The following ADGRG7 variants were observed in gnomAD, a reference collection of about 807,000 sequenced individuals.
ADGRG7 encodes the protein G-protein coupled receptor 128.
A neutral mutation model predicts 88.6 loss-of-function variants in ADGRG7; 82 were observed. The ratio of observed to expected loss-of-function variants is 0.93; its 90% confidence interval spans 0.77 to 1.11. The LOEUF is 1.11. Among genes scored for constraint, ADGRG7 ranks in the 50% most tolerant of loss-of-function variants. ADGRG7 has a pLI of 0.00. For missense variants in ADGRG7, 945 were observed against 953.4 expected (o/e 0.99, Z 0.12); for synonymous variants, 381 against 345.2 (o/e 1.10, Z -1.15).
At chr3:100,627,583 T>A (rs781164934) in intron 1 of ADGRG7, among the ~76,000 whole-genome samples, 1 of 152,214 alleles carries the variant, frequency 6.6e-6, no homozygotes, top group Non-Finnish European at 1.5e-5. Context: ...CATTATGAAA[T>A]GATTTGGGAA....
At chr3:100,645,251 A>C (rs1576322740) in intron 8 of ADGRG7, among the ~76,000 whole-genome samples, 1 of 152,196 alleles carries the variant, frequency 6.6e-6, no homozygotes, top group African/African-American at 2.4e-5. Context: ...TGGGTGCCAA[A>C]CCCTCCACAG....
At chr3:100,657,346 T>C (rs562840599) in intron 13 of ADGRG7, among the ~76,000 whole-genome samples, 1 of 152,302 alleles carries the variant, frequency 6.6e-6, no homozygotes, top group African/African-American at 2.4e-5. Context: ...TAGCAGTTGC[T>C]CCTCAAGAGC....
At chr3:100,646,771 T>C in intron 10 of ADGRG7, 47 bp downstream of exon 10, 1 of 1,502,678 alleles carries the variant, frequency 6.7e-7, no homozygotes, top group Non-Finnish European at 9.2e-7. Context: ...ATTTTCCTTA[T>C]ACACAATTCT....
At chr3:100,674,982 C>A (rs886563919) in intron 15 of ADGRG7, among the ~76,000 whole-genome samples, 24 of 150,262 alleles carry the variant, frequency 1.6e-4, no homozygotes, top group African/African-American at 3.7e-4. Flanking sequence ...CCATTCTAAT[C>A]TTTTTTTTTT....
At chr3:100,664,507 A>G (rs115180895) in intron 14 of ADGRG7, among the ~76,000 whole-genome samples, 1,548 of 152,278 alleles carry the variant, frequency 0.01, 20 homozygotes, top group African/African-American at 0.024. Flanking sequence ...AGACTTGATT[A>G]AAAAGATACA....
In ADGRG7 at chr3:100,645,954, A is replaced by T. The variant is rs757717114; in HGVS notation, c.956A>T (p.Lys319Met). 92 of 1,613,626 alleles carry T rather than the reference A, an allele frequency of 5.7e-5. No homozygotes were observed. Among genetic ancestry groups the T allele is most frequent in the Non-Finnish European group, 7.3e-5 (86 of 1,179,908 alleles). ...VLLNMTKNYT[K>M]TCGFVVYQND... ...CTTTTTCTCCCTATAGATTACACCA[A>T]GACATGCGGCTTTGTAGTTTATCAA... Residue 319 changes from lysine to methionine, a missense_variant, in exon 9 of 16, where the codon AAG (lysine) becomes ATG (methionine). By Grantham distance (95) the Lys-to-Met change is moderately conservative. Transcript: ENST00000273352.
rs765268571 is a variant in ADGRG7 at position 100,630,760 on chromosome 3, G to A, written c.285G>A (p.Val95=). 6.1e-6 allele frequency: 9 copies of A among 1,483,296 alleles called. No homozygotes were observed. The highest frequency in any genetic ancestry group is 7.2e-6 in the Non-Finnish European group (8 of 1,118,098). The allele number at this position is 1,483,296 out of a possible 1,614,324, so 91.9% of individuals were successfully genotyped here. A position where few individuals can be genotyped will look rare whatever the true frequency, so the allele number is the denominator to read the frequency against. The change falls in exon 3 of 16, where the codon GTG becomes GTA. Residue 95 remains valine (V), a synonymous_variant. Transcript: ENST00000273352. The part of the protein sequence containing the change: ...YMGFTFARIP[V]GRYGPSLQTC... ...GTTTTACTTTTGCCAGAATCCCAGT[G>A]GGCAGATATGGACCATCCTTGCAAA...
chr3:100,618,352 C>T (rs1465723712), intron 1 of ADGRG7, among the ~76,000 whole-genome samples: 1 of 152,130 alleles, frequency 6.6e-6, no homozygotes, highest in African/African-American at 2.4e-5. Flanking sequence ...GGTTTTAGGT[C>T]TAACATTTAA....
intron 15 of ADGRG7, among the ~76,000 whole-genome samples, chr3:100,685,660 T>G (rs548658629): frequency 2.0e-5 from 3 of 152,130 alleles, no homozygotes; most frequent in South Asian, 2.1e-4. Context: ...TTGCTGAGAA[T>G]GATGGTTTCC....
At chr3:100,624,174 A>G (rs1375261474) in intron 1 of ADGRG7, among the ~76,000 whole-genome samples, 1 of 152,128 alleles carries the variant, frequency 6.6e-6, no homozygotes, top group Admixed American at 6.6e-5. Context: ...AAGCATTCCT[A>G]TTTCTCCACA....
chr3:100,619,475 C>A (rs1240021645), intron 1 of ADGRG7, among the ~76,000 whole-genome samples: 6 of 152,034 alleles, frequency 3.9e-5, no homozygotes, highest in Non-Finnish European at 8.8e-5. Context: ...AAAATTGACA[C>A]CCTAACATCA....
Position 100,655,016 on chromosome 3 carries a change from A to C in ADGRG7, c.1561A>C (p.Ile521Leu). 6.2e-7 allele frequency: 1 copy of C among 1,614,164 alleles called. No individual in the cohort carries two copies. Among genetic ancestry groups the C allele is most frequent in the Non-Finnish European group, 8.5e-7 (1 of 1,180,020 alleles). The change falls in exon 12 of 16, where the codon ATC becomes CTC. Residue 521 changes from isoleucine (I) to leucine (L), a missense_variant. Ile to Leu is a conservative substitution (Grantham distance 5). Coordinates refer to ENST00000273352, the MANE Select transcript of ADGRG7 (RefSeq NM_032787.3). ...CATACCCAGGACAGACACCATTAAC[A>C]TCCCGAATCCCATGTGCACTGCGAT... The part of the protein sequence containing the change: ...NDIPRTDTIN[I>L]PNPMCTAIAA...
At chr3:100,655,258 T>C in intron 12 of ADGRG7, 77 bp downstream of exon 12, 1 of 1,045,206 alleles carries the variant, frequency 9.6e-7, no homozygotes, top group Non-Finnish European at 1.4e-6. Context: ...ATTGAAGGCC[T>C]AATAGTCCAA....
intron 6 of ADGRG7, among the ~76,000 whole-genome samples, chr3:100,641,682 C>A (rs943943731): frequency 6.6e-6 from 1 of 152,192 alleles, no homozygotes; most frequent in Non-Finnish European, 1.5e-5. Context: ...ATTTTATTTT[C>A]TTTTATTGCC....
At chr3:100,620,590 A>G (rs769202246) in intron 1 of ADGRG7, among the ~76,000 whole-genome samples, 1 of 152,214 alleles carries the variant, frequency 6.6e-6, no homozygotes, top group Non-Finnish European at 1.5e-5. Context: ...AATAAAGGGT[A>G]TTCAATTAGA....
chr3:100,690,000 T>C (rs1012329870), intron 15 of ADGRG7, among the ~76,000 whole-genome samples: 1 of 152,214 alleles, frequency 6.6e-6, no homozygotes, highest in Non-Finnish European at 1.5e-5. Flanking sequence ...TCCCCGTCAC[T>C]TTCAGGTACA....
At chr3:100,667,942 C>T (rs890336511) in intron 14 of ADGRG7, among the ~76,000 whole-genome samples, 16 of 152,206 alleles carry the variant, frequency 1.1e-4, no homozygotes, top group African/African-American at 3.6e-4. Flanking sequence ...AGGGAATCTC[C>T]TGGTTTGTGG....
At chr3:100,686,562 A>C (rs1427685603) in intron 15 of ADGRG7, among the ~76,000 whole-genome samples, 1 of 152,228 alleles carries the variant, frequency 6.6e-6, no homozygotes, top group East Asian at 1.9e-4. Flanking sequence ...ATAAGGTATA[A>C]GGAAGGGATC....
chr3:100,670,786 C>T (rs2094957398), intron 15 of ADGRG7, among the ~76,000 whole-genome samples: 1 of 152,086 alleles, frequency 6.6e-6, no homozygotes, highest in African/African-American at 2.4e-5. Context: ...TGTTCAACTG[C>T]CACTTACGAG....
Sources: gnomAD v4.1 joint callset for allele counts (sites outside exome capture counted in the v4.1 genomes callset) on GRCh38, gnomAD v4.1.1 for gene constraint, MANE v1.5 for transcripts, NCBI Gene and HGNC (gene_info 2026-07-23, HGNC 2026-07-21) for gene names.